The following SHPRH variants were observed in gnomAD, a reference collection of about 807,000 sequenced individuals.
The protein encoded by SHPRH is SNF2 histone linker PHD RING helicase.
In SHPRH, 106 loss-of-function variants were observed where a neutral mutation model predicts 202.5. The observed-to-expected ratio is 0.52, with a 90% CI of 0.45 to 0.62. SHPRH has a LOEUF of 0.62. Among genes scored for constraint, SHPRH ranks in the 20% least tolerant of loss-of-function variants. The pLI is 0.00. For synonymous variants in SHPRH, 729 were observed against 686.0 expected (o/e 1.06, Z -0.98); for missense variants, 1,710 against 2,020.0 (o/e 0.85, Z 2.94).
rs555282393 is a variant in SHPRH at position 145,867,296 on chromosome 6, A to G, written c.222-2805T>C. Among the ~76,000 whole-genome samples the G allele has an allele frequency of 4.6e-5, 7 of 152,142 alleles. No homozygotes were observed. The South Asian group carries it at 1.5e-3, about 32-fold the overall frequency. ...GATGAGTATCCAAATTCATCCCTCT[A>G]TCACACTGTAGTAGACTGATTAATG... On this transcript the variant is annotated intron_variant, in intron 2 of 2. Coordinates refer to the SHPRH transcript ENST00000417762.
chr6:145,918,179 C>T lies in SHPRH; in HGVS notation c.4206G>A (p.Gln1402=), dbSNP rs766275011. ...GAAGCTGCCCAAGTTTTTTCTGAAG[C>T]TGTGATGTAGCAACAGCTTTATCAT... is the stretch of plus-strand genomic sequence containing the variant. The part of the protein sequence containing the change: ...LLNDKAVATS[Q]LQKKLGQLLY... Residue 1402 remains glutamine, a synonymous_variant, in exon 23 of 30, where the codon CAG becomes CAA. Coordinates refer to ENST00000275233, the MANE Select transcript of SHPRH (RefSeq NM_001042683.3). The T allele has an allele frequency of 1.2e-6, 2 of 1,606,840 alleles. No homozygotes were observed. The highest frequency in any genetic ancestry group is 2.3e-5 in the East Asian group (1 of 44,270).
In SHPRH at chr6:145,922,339, A is replaced by G; in HGVS notation, c.3729T>C (p.Phe1243=). The part of the protein sequence containing the change: ...PARLPLNCCV[F]CKADELFTEY... ...CTGTGAACAATTCATCAGCTTTACA[A>G]AAGACACAGCTGAAAAAAAAGAGAT... Residue 1243 remains phenylalanine, a synonymous_variant, in exon 20 of 30, where the codon TTT becomes TTC. Coordinates refer to ENST00000275233, the MANE Select transcript of SHPRH (RefSeq NM_001042683.3). 1 of 1,561,914 alleles carries G rather than the reference A, an allele frequency of 6.4e-7. No individual in the cohort carries two copies. Among genetic ancestry groups the G allele is most frequent in the Non-Finnish European group, 8.6e-7 (1 of 1,164,074 alleles).
In SHPRH at chr6:145,922,199, G is replaced by T. The variant is rs535015282; in HGVS notation, c.3782+87C>A. 1.6e-5 allele frequency: 18 copies of T among 1,127,454 alleles called. No homozygotes were observed. In the Admixed American group the frequency reaches 4.6e-4, roughly 29 times the overall value. 69.8% of individuals were successfully genotyped at this position (1,127,454 alleles called of 1,614,324 possible). On this transcript the variant is annotated intron_variant, in intron 20 of 29. Coordinates refer to ENST00000275233, the MANE Select transcript of SHPRH (RefSeq NM_001042683.3). ...GAAACAATATAATAAAGGTTACTGT[G>T]GGGGAAAACATAGTCTTATATCACA...
chr6:145,937,788 T>A (rs994857566), intron 11 of SHPRH, among the ~76,000 whole-genome samples: 1 of 152,244 alleles, frequency 6.6e-6, no homozygotes, highest in South Asian at 2.1e-4. Context: ...CTGTTTCCTC[T>A]ACAATAGAGG....
At chr6:145,864,213 A>G (rs1239316274), downstream of SHPRH, 2 of 197,958 alleles carry the variant, frequency 1.0e-5, no homozygotes, top group African/African-American at 4.7e-5. Context: ...TTTATTCTTC[A>G]TGTTTCACAA....
intron 1 of SHPRH, among the ~76,000 whole-genome samples, chr6:145,960,037 C>G (rs146847004): frequency 6.6e-6 from 1 of 152,344 alleles, no homozygotes; most frequent in East Asian, 1.9e-4. Context: ...GTGTAACACA[C>G]TACCTCAAAG....
chr6:145,960,475 A>G (rs1273567821), intron 1 of SHPRH, among the ~76,000 whole-genome samples: 6 of 152,172 alleles, frequency 3.9e-5, no homozygotes, highest in African/African-American at 1.2e-4. Flanking sequence ...TATTAATAAC[A>G]TGGTTATTGT....
intron 14 of SHPRH, among the ~76,000 whole-genome samples, chr6:145,928,858 T>C (rs993223168): frequency 6.6e-6 from 1 of 151,970 alleles, no homozygotes; most frequent in African/African-American, 2.4e-5. Flanking sequence ...AGGGAGAAGA[T>C]TATTTTCACA....
chr6:145,864,216 T>C (rs1779671452), downstream of SHPRH: 4 of 198,298 alleles, frequency 2.0e-5, no homozygotes, highest in South Asian at 4.3e-4. Context: ...ATTCTTCATG[T>C]TTCACAATTC....
chr6:145,914,580 C>T lies in SHPRH; in HGVS notation c.4255-1031G>A, dbSNP rs138628847. 1.3e-3 allele frequency among the ~76,000 whole-genome samples: 192 copies of T among 152,200 alleles called. 1 individual carries two copies. The highest frequency in any genetic ancestry group is 4.2e-3 in the African/African-American group (174 of 41,544). Reference sequence around the variant, plus strand: ...AAACTTTACTTACGAAAAAAGGCAGCGGGCTGAATTTTTCCCATGCATGGT... The same window carrying T: ...AAACTTTACTTACGAAAAAAGGCAGTGGGCTGAATTTTTCCCATGCATGGT... On this transcript the variant is annotated intron_variant, in intron 23 of 29. Coordinates refer to ENST00000275233, the MANE Select transcript of SHPRH (RefSeq NM_001042683.3).
At chr6:145,913,991 A>C (rs1783723798) in intron 23 of SHPRH, among the ~76,000 whole-genome samples, 1 of 152,134 alleles carries the variant, frequency 6.6e-6, no homozygotes, top group South Asian at 2.1e-4. Context: ...TAATGTATGT[A>C]TATATTTGCA....
At chr6:145,953,485 AAG>A (rs1406053338) in intron 2 of SHPRH, among the ~76,000 whole-genome samples, 1 of 152,086 alleles carries the variant, frequency 6.6e-6, no homozygotes, top group East Asian at 1.9e-4. Context: ...AAAATCAGTA[AAG>A]AGAGGGAATG....
intron 24 of SHPRH, among the ~76,000 whole-genome samples, chr6:145,911,679 T>G (rs1783508381): frequency 6.6e-6 from 1 of 151,540 alleles, no homozygotes; most frequent in African/African-American, 2.4e-5. Context: ...TTAAGCTATG[T>G]TTTTTTTAAG....
intron 25 of SHPRH, chr6:145,903,818 C>T (rs1782716054): frequency 1.3e-5 from 2 of 152,068 alleles, no homozygotes; most frequent in African/African-American, 4.8e-5. Flanking sequence ...GGGAACAAGA[C>T]ATGTGGGCCA....
intron 2 of SHPRH, among the ~76,000 whole-genome samples, chr6:145,878,320 C>G (rs1780396663): frequency 1.3e-5 from 2 of 152,152 alleles, no homozygotes; most frequent in South Asian, 4.1e-4. Flanking sequence ...CCAAAGTCCA[C>G]AGTTTATATT....
downstream of SHPRH, chr6:145,883,769 T>C (rs1413540761): frequency 2.0e-5 from 3 of 152,352 alleles, no homozygotes; most frequent in African/African-American, 7.2e-5. Flanking sequence ...TGTTTTTGCA[T>C]TGGTTTTTAA....
chr6:145,886,590 G>C lies in SHPRH; in HGVS notation c.*101C>G, dbSNP rs1040456687. 1.3e-5 allele frequency: 20 copies of C among 1,541,180 alleles called. No individual in the cohort carries two copies. The highest frequency in any genetic ancestry group is 1.7e-5 in the Non-Finnish European group (19 of 1,144,076). On this transcript the variant is annotated 3_prime_UTR_variant, in exon 30 of 30. Transcript: ENST00000275233. Reference sequence around the variant, plus strand: ...AAACAAATTCATTCAACTAGGAACAGTGTTACTGTTATCTACTGGGTTTTT... The same window carrying C: ...AAACAAATTCATTCAACTAGGAACACTGTTACTGTTATCTACTGGGTTTTT...
At chr6:145,900,934 G>A (rs1038059972) in intron 25 of SHPRH, among the ~76,000 whole-genome samples, 2 of 152,000 alleles carry the variant, frequency 1.3e-5, no homozygotes, top group African/African-American at 2.4e-5. Context: ...AATGTGGGGG[G>A]CCAACTATAC....
chr6:145,919,128 C>G, intron 22 of SHPRH: 2 of 485,632 alleles, frequency 4.1e-6, no homozygotes, highest in South Asian at 7.0e-5. Context: ...AAACAAGATG[C>G]CCCAAAATAG....
Sources: allele counts gnomAD v4.1 joint callset (sites outside exome capture counted in the v4.1 genomes callset), GRCh38; gene constraint gnomAD v4.1.1; transcripts MANE v1.5; gene names NCBI Gene and HGNC (gene_info 2026-07-23, HGNC 2026-07-21).